The following NBEA variants were observed in gnomAD, a reference collection of about 807,000 sequenced individuals.
The protein encoded by NBEA is lysosomal-trafficking regulator 2.
A neutral mutation model predicts 343.4 loss-of-function variants in NBEA; 44 were observed. The ratio of observed to expected loss-of-function variants is 0.13; its 90% CI spans 0.10 to 0.16. The LOEUF is 0.16. Among genes scored for constraint, NBEA ranks in the 10% least tolerant of loss-of-function variants. NBEA has a pLI of 1.00. For missense variants in NBEA, 2,555 were observed against 3,631.3 expected (o/e 0.70, Z 7.62); for synonymous variants, 1,175 against 1,238.7 (o/e 0.95, Z 1.08).
intron 53 of NBEA, among the ~76,000 whole-genome samples, chr13:35,652,141 G>A (rs1426072804): frequency 3.3e-5 from 5 of 151,980 alleles, no homozygotes; most frequent in Non-Finnish European, 7.4e-5. Context: ...TTTTCTTTCA[G>A]CCTAAAGTGT....
chr13:35,525,321 G>A (rs574681841), intron 41 of NBEA, among the ~76,000 whole-genome samples: 1 of 152,308 alleles, frequency 6.6e-6, no homozygotes, highest in Admixed American at 6.5e-5. Flanking sequence ...GGAGGCCGAG[G>A]TGGGTGGACC....
In NBEA at chr13:35,365,273, A is replaced by G. The variant is rs2041035604; in HGVS notation, c.6179+12950A>G. On this transcript the variant is annotated intron_variant, in intron 38 of 58. Coordinates refer to ENST00000379939, the MANE Select transcript of NBEA (RefSeq NM_001385012.1). ...ATGATAATGAAGAAAATCAGCATGT[A>G]AATGTAAAATAACTCTCACAAATAT... 3.3e-5 allele frequency among the ~76,000 whole-genome samples: 5 copies of G among 151,818 alleles called. No individual in the cohort carries two copies. In the South Asian group the frequency reaches 1.0e-3, roughly 31 times the overall value.
Position 35,113,531 on chromosome 13 carries a change from CATTA to C in NBEA, c.2002+2559_2002+2562del, listed in dbSNP as rs992142824. 7.2e-5 allele frequency among the ~76,000 whole-genome samples: 11 copies of C among 152,150 alleles called. No homozygotes were observed. The South Asian group carries it at 8.3e-4, about 11-fold the overall frequency. On this transcript the variant is annotated intron_variant, in intron 13 of 58. Coordinates refer to ENST00000379939, the MANE Select transcript of NBEA (RefSeq NM_001385012.1). ...GACTGACAAATGATATTTTCTAAGA[CATTA>C]ATTAAGTTGGCATATCTACTGTAAG... is the stretch of plus-strand genomic sequence containing the variant.
intron 1 of NBEA, among the ~76,000 whole-genome samples, chr13:34,968,379 C>G (rs1410605766): frequency 6.6e-6 from 1 of 152,056 alleles, no homozygotes; most frequent in East Asian, 1.9e-4. Context: ...TCCCTTGAAA[C>G]TATCTAAGGG....
At chr13:35,162,439 CCT>C (rs2069640231) in intron 23 of NBEA, among the ~76,000 whole-genome samples, 1 of 152,094 alleles carries the variant, frequency 6.6e-6, no homozygotes, top group Admixed American at 6.6e-5. Context: ...CCATGCTTCT[CCT>C]CATTTTCCTT....
At chr13:35,252,522 C>G (rs1052144420) in intron 34 of NBEA, among the ~76,000 whole-genome samples, 1 of 152,164 alleles carries the variant, frequency 6.6e-6, no homozygotes, top group East Asian at 1.9e-4. Context: ...ATTGTCATAA[C>G]AAAGGTAGGG....
intron 17 of NBEA, among the ~76,000 whole-genome samples, chr13:35,132,764 G>C (rs978241712): frequency 8.5e-5 from 13 of 152,280 alleles, no homozygotes; most frequent in African/African-American, 3.1e-4. Flanking sequence ...ACAGGGAACT[G>C]TTGAGGATGA....
intron 38 of NBEA, among the ~76,000 whole-genome samples, chr13:35,415,629 T>C (rs941576062): frequency 6.6e-5 from 10 of 152,202 alleles, no homozygotes; most frequent in African/African-American, 2.4e-4. Flanking sequence ...CTGTTTTGGT[T>C]ACTGTAGCCT....
intron 34 of NBEA, among the ~76,000 whole-genome samples, chr13:35,253,963 G>T (rs1182485296): frequency 1.3e-5 from 2 of 152,150 alleles, no homozygotes; most frequent in Non-Finnish European, 1.5e-5. Context: ...GTTGATGATT[G>T]CTGGGTATTT....
intron 41 of NBEA, among the ~76,000 whole-genome samples, chr13:35,502,548 C>T (rs2076927050): frequency 6.9e-6 from 1 of 144,618 alleles, no homozygotes; most frequent in Admixed American, 6.9e-5. Flanking sequence ...CATGATTTAT[C>T]TGCTTACCGT....
rs557721175 is a variant in NBEA at position 35,235,572 on chromosome 13, G to A, written c.5776+2953G>A. On this transcript the variant is annotated intron_variant, in intron 34 of 58. Coordinates refer to ENST00000379939, the MANE Select transcript of NBEA (RefSeq NM_001385012.1). ...AAGTTTTCTAGCCGCCAGAGCAAAG[G>A]CACAATTATGTTGTTATAAGACTCA... Among the ~76,000 whole-genome samples, 224 of 152,210 alleles carry A rather than the reference G, an allele frequency of 1.5e-3. 1 individual carries two copies. The highest frequency in any genetic ancestry group is 4.9e-3 in the African/African-American group (205 of 41,544).
intron 34 of NBEA, among the ~76,000 whole-genome samples, chr13:35,247,394 A>G (rs552696837): frequency 1.3e-5 from 2 of 152,066 alleles, no homozygotes; most frequent in Non-Finnish European, 2.9e-5. Context: ...GCCCTCCCCA[A>G]AGACCCCAGT....
At chr13:35,433,449 A>G (rs2045244643) in intron 39 of NBEA, among the ~76,000 whole-genome samples, 1 of 152,042 alleles carries the variant, frequency 6.6e-6, no homozygotes, top group Non-Finnish European at 1.5e-5. Flanking sequence ...AAATAGTATT[A>G]TATCAAATCA....
At position 35,475,949 on chromosome 13, in the gene NBEA, C is replaced by G. The variant is rs779375523; in HGVS notation, c.6585+3413C>G. 8.7e-6 allele frequency: 14 copies of G among 1,614,028 alleles called. No homozygotes were observed. The Admixed American group carries it at 2.0e-4, about 23-fold the overall frequency. ...GTGGGGGAGATGACCTCGAGGCCCTCGTAGCGATTGTCCATCTCGTTGAGA... is the reference window on the plus strand; with the variant it reads ...GTGGGGGAGATGACCTCGAGGCCCTGGTAGCGATTGTCCATCTCGTTGAGA... On this transcript the variant is annotated intron_variant, in intron 41 of 58. Coordinates refer to ENST00000379939, the MANE Select transcript of NBEA (RefSeq NM_001385012.1).
chr13:35,151,238 A>G (rs2068765334), intron 18 of NBEA, among the ~76,000 whole-genome samples: 1 of 151,942 alleles, frequency 6.6e-6, no homozygotes, highest in African/African-American at 2.4e-5. Flanking sequence ...TTGTAATATA[A>G]TAAACAATAA....
chr13:35,555,893 T>A (rs2079550414), intron 44 of NBEA, among the ~76,000 whole-genome samples: 1 of 152,064 alleles, frequency 6.6e-6, no homozygotes, highest in Non-Finnish European at 1.5e-5. Flanking sequence ...GCTGTGTACT[T>A]CTCTGAATCA....
At chr13:35,256,601 C>T (rs2032625406) in intron 34 of NBEA, among the ~76,000 whole-genome samples, 1 of 152,130 alleles carries the variant, frequency 6.6e-6, no homozygotes, top group Admixed American at 6.5e-5. Flanking sequence ...CTGTTCATGC[C>T]GAGGGGCGCC....
At chr13:35,045,618 A>G (rs2062821231) in intron 4 of NBEA, among the ~76,000 whole-genome samples, 1 of 151,192 alleles carries the variant, frequency 6.6e-6, no homozygotes, top group Non-Finnish European at 1.5e-5. Flanking sequence ...ACCCATCCCC[A>G]CTCCTTACTA....
In NBEA at chr13:35,526,419, G is replaced by A. The variant is rs780518603; in HGVS notation, c.6586-24058G>A. 5.3e-5 allele frequency among the ~76,000 whole-genome samples: 8 copies of A among 152,162 alleles called. No individual in the cohort carries two copies. The East Asian group carries it at 5.8e-4, about 11-fold the overall frequency. On this transcript the variant is annotated intron_variant, in intron 41 of 58. Coordinates refer to ENST00000379939, the MANE Select transcript of NBEA (RefSeq NM_001385012.1). Reference sequence around the variant, plus strand: ...TCAGCACTTTAGGAGGTCGAGGCCCGTGGATCACTTGAATCCAGGAGCTCA... The same window carrying A: ...TCAGCACTTTAGGAGGTCGAGGCCCATGGATCACTTGAATCCAGGAGCTCA...
Sources: allele counts gnomAD v4.1 joint callset (sites outside exome capture counted in the v4.1 genomes callset), GRCh38; gene constraint gnomAD v4.1.1; transcripts MANE v1.5; gene names NCBI Gene and HGNC (gene_info 2026-07-23, HGNC 2026-07-21).